Variants in SAMSN1 observed in about 807,000 individuals in gnomAD.
SAMSN1 encodes the protein SAM domain, SH3 domain and nuclear localization signals 1.
A neutral mutation model predicts 42.0 loss-of-function variants in SAMSN1; 31 were observed. The observed-to-expected ratio is 0.74, with a 90% CI of 0.55 to 1.00. The LOEUF is 1.00. Among genes scored for constraint, SAMSN1 ranks in the 50% least tolerant of loss-of-function variants. The pLI is 0.00. For synonymous variants in SAMSN1, 178 were observed against 151.9 expected (o/e 1.17, Z -1.26); for missense variants, 464 against 439.4 (o/e 1.06, Z -0.50).
Position 14,521,246 on chromosome 21 carries a change from A to G in SAMSN1, c.58-25T>C, listed in dbSNP as rs760344. Reference sequence around the variant, plus strand: ...GCTATAAAATAGAAAAGAAAAAGCAAAGGAAACTTAGAATTTATTTTCACT... The same window carrying G: ...GCTATAAAATAGAAAAGAAAAAGCAGAGGAAACTTAGAATTTATTTTCACT... On this transcript the variant is annotated intron_variant, in intron 1 of 7. Transcript: ENST00000400566. 5.8e-6 allele frequency: 9 copies of G among 1,552,004 alleles called. No individual in the cohort carries two copies. The East Asian group carries it at 1.8e-4, about 31-fold the overall frequency.
chr21:14,595,940 G>A (rs1325946596), intron 6 of SAMSN1, among the ~76,000 whole-genome samples: 1 of 152,146 alleles, frequency 6.6e-6, no homozygotes, highest in East Asian at 1.9e-4. Flanking sequence ...AAATGCATGA[G>A]AATGATGCTA....
chr21:14,632,056 A>G (rs901778195), intron 2 of SAMSN1, among the ~76,000 whole-genome samples: 3 of 152,220 alleles, frequency 2.0e-5, no homozygotes, highest in Non-Finnish European at 4.4e-5. Context: ...CTAACTTAAG[A>G]CACTGATACA....
intron 2 of SAMSN1, among the ~76,000 whole-genome samples, chr21:14,578,129 C>T (rs58198632): frequency 0.063 from 9,599 of 152,168 alleles, 1,030 homozygotes; most frequent in African/African-American, 0.22. Flanking sequence ...CACTATTTCA[C>T]TAAATTTTTC....
chr21:14,572,585 C>A (rs993059012), intron 2 of SAMSN1, among the ~76,000 whole-genome samples: 19 of 152,202 alleles, frequency 1.2e-4, no homozygotes, highest in African/African-American at 4.1e-4. Flanking sequence ...ACTTAATCTT[C>A]ATGCACCTCA....
At chr21:14,521,244 C>G (rs2123039207) in intron 1 of SAMSN1, 23 bp from the exon 2 acceptor site, 2 of 1,561,866 alleles carry the variant, frequency 1.3e-6, no homozygotes, top group African/African-American at 1.4e-5. Flanking sequence ...AAAGAAAAAG[C>G]AAAGGAAACT....
At chr21:14,638,966 T>G (rs1476393375) in intron 2 of SAMSN1, among the ~76,000 whole-genome samples, 1 of 152,226 alleles carries the variant, frequency 6.6e-6, no homozygotes, top group Non-Finnish European at 1.5e-5. Context: ...ACTGATCCAT[T>G]TATTTAGCTG....
At chr21:14,567,259 T>C (rs535425439) in intron 2 of SAMSN1, among the ~76,000 whole-genome samples, 47 of 148,636 alleles carry the variant, frequency 3.2e-4, no homozygotes, top group South Asian at 1.9e-3. Flanking sequence ...CACGAGTAAG[T>C]CAGGTGAATG....
Position 14,534,728 on chromosome 21 carries a change from A to C in SAMSN1, c.57+11477T>G, listed in dbSNP as rs73161238. On this transcript the variant is annotated intron_variant, in intron 1 of 7. Coordinates refer to ENST00000400566, the MANE Select transcript of SAMSN1 (RefSeq NM_022136.5). ...CCAGCTAGGAAGCATACATATGGTAATTTTCTTAATTCTCACATCAACCCT... is the reference window on the plus strand; with the variant it reads ...CCAGCTAGGAAGCATACATATGGTACTTTTCTTAATTCTCACATCAACCCT... Among the ~76,000 whole-genome samples, 197 of 152,180 alleles carry C rather than the reference A, an allele frequency of 1.3e-3. 1 individual carries two copies. In the Middle Eastern group the frequency reaches 0.014, roughly 11 times the overall value.
At chr21:14,558,630 G>A (rs1016043421) in intron 2 of SAMSN1, among the ~76,000 whole-genome samples, 34 of 152,210 alleles carry the variant, frequency 2.2e-4, no homozygotes, top group African/African-American at 7.5e-4. Context: ...GCAGTGAGCC[G>A]ACATCTCATC....
At chr21:14,649,784 C>T (rs386287) in intron 1 of SAMSN1, among the ~76,000 whole-genome samples, 3,603 of 30,628 alleles carry the variant, frequency 0.12, 77 homozygotes, top group East Asian at 0.24. Flanking sequence ...CACACACACA[C>T]ACACACACAC....
intron 4 of SAMSN1, among the ~76,000 whole-genome samples, chr21:14,611,091 C>CT (rs1568830030): frequency 4.0e-5 from 6 of 148,674 alleles, no homozygotes; most frequent in African/African-American, 1.6e-4. Context: ...AGGATAGGCA[C>CT]ATTTTTTTTT....
intron 5 of SAMSN1, among the ~76,000 whole-genome samples, chr21:14,506,249 AC>A (rs1427447867): frequency 1.3e-5 from 2 of 152,214 alleles, no homozygotes; most frequent in East Asian, 3.8e-4. Context: ...TAAAATTGAA[AC>A]AAAAAAATAT....
chr21:14,650,531 G>A (rs919307507), intron 1 of SAMSN1, among the ~76,000 whole-genome samples: 4 of 151,834 alleles, frequency 2.6e-5, no homozygotes, highest in Non-Finnish European at 4.4e-5. Flanking sequence ...ATACACCAAA[G>A]GCAGTACTAA....
chr21:14,649,752 G>A (rs574874992), intron 1 of SAMSN1, among the ~76,000 whole-genome samples: 8 of 140,108 alleles, frequency 5.7e-5, no homozygotes, highest in South Asian at 2.3e-4. Flanking sequence ...GCTGGGTGAC[G>A]GAGTGAGACA....
intron 2 of SAMSN1, among the ~76,000 whole-genome samples, chr21:14,573,765 C>T (rs977852877): frequency 5.9e-5 from 9 of 152,116 alleles, no homozygotes; most frequent in African/African-American, 2.2e-4. Flanking sequence ...CTCCTCCATT[C>T]CAAAGATGAG....
upstream of SAMSN1, chr21:14,583,665 T>C (rs745876137): frequency 3.8e-5 from 27 of 717,310 alleles, no homozygotes; most frequent in Non-Finnish European, 7.8e-6. Context: ...TTTATTAATG[T>C]CGGTTTCACC....
intron 2 of SAMSN1, among the ~76,000 whole-genome samples, chr21:14,552,581 G>T (rs983381267): frequency 1.3e-5 from 2 of 152,112 alleles, no homozygotes; most frequent in African/African-American, 4.8e-5. Context: ...GAAATTTGCT[G>T]GTGTCTTCAT....
intron 1 of SAMSN1, among the ~76,000 whole-genome samples, chr21:14,649,037 T>C (rs537214167): frequency 7.6e-4 from 115 of 152,074 alleles, no homozygotes; most frequent in African/African-American, 2.7e-3. Context: ...CCAACAATGA[T>C]GGACTGGATT....
rs140401929 is a variant in SAMSN1 at position 14,558,126 on chromosome 21, A to G, written c.261+24010T>C. 1.5e-4 allele frequency among the ~76,000 whole-genome samples: 23 copies of G among 152,336 alleles called. No homozygotes were observed. In the East Asian group the frequency reaches 4.4e-3, roughly 29 times the overall value. On this transcript the variant is annotated intron_variant, in intron 2 of 8. Coordinates refer to the SAMSN1 transcript ENST00000285670. ...TTACTGGAAGGCAGAAATTAGGCCT[A>G]TCGCTAGCACTAGCATAGAACCTGG...
Sources: allele counts gnomAD v4.1 joint callset (sites outside exome capture counted in the v4.1 genomes callset), GRCh38; gene constraint gnomAD v4.1.1; transcripts MANE v1.5; gene names NCBI Gene and HGNC (gene_info 2026-07-23, HGNC 2026-07-21).